LARGE1: variants seen among roughly 807,000 people sequenced by gnomAD.
LARGE1 encodes xylosyl- and glucuronyltransferase LARGE1.
In LARGE1, 43 loss-of-function variants were observed where a neutral mutation model predicts 87.6. That is an observed-to-expected ratio of 0.49 (90% confidence interval 0.38 to 0.63). The LOEUF is 0.63. Ranked by LOEUF, LARGE1 falls within the 30% of genes least tolerant of loss-of-function variation. The pLI, the probability that LARGE1 is intolerant of heterozygous loss-of-function variation, is 0.00. For missense variants in LARGE1, 802 were observed against 1,000.2 expected (o/e 0.80, Z 2.67); for synonymous variants, 434 against 394.6 (o/e 1.10, Z -1.18).
At chr22:33,472,347 A>C (rs1400653756) in intron 6 of LARGE1, among the ~76,000 whole-genome samples, 1 of 152,186 alleles carries the variant, frequency 6.6e-6, no homozygotes, top group South Asian at 2.1e-4. Flanking sequence ...GCAGAGGGAG[A>C]GGAGATAAAG....
intron 4 of LARGE1, among the ~76,000 whole-genome samples, chr22:33,621,075 C>T (rs759413171): frequency 9.2e-5 from 14 of 152,116 alleles, no homozygotes; most frequent in African/African-American, 3.4e-4. Context: ...GAAATATATA[C>T]GATGCATCCC....
At chr22:33,772,116 G>C (rs2085087185) in intron 1 of LARGE1, among the ~76,000 whole-genome samples, 1 of 152,126 alleles carries the variant, frequency 6.6e-6, no homozygotes. Flanking sequence ...GGTGGATCAC[G>C]AGGTCGGGAG....
chr22:33,607,322 G>A (rs1403340614), intron 4 of LARGE1, among the ~76,000 whole-genome samples: 3 of 152,034 alleles, frequency 2.0e-5, no homozygotes, highest in Non-Finnish European at 2.9e-5. Context: ...TTAGCCAGGC[G>A]TGGTGGCAGA....
intron 10 of LARGE1, 84 bp from the exon 11 acceptor site, chr22:33,316,332 C>T (rs1601417151): frequency 7.2e-7 from 1 of 1,392,412 alleles, no homozygotes; most frequent in Non-Finnish European, 9.9e-7. Context: ...CCTGCCCTCC[C>T]CTGAGTTTAT....
At chr22:33,203,085 C>CTGTGTG (rs1226941470) in intron 11 of LARGE1, among the ~76,000 whole-genome samples, 11 of 149,230 alleles carry the variant, frequency 7.4e-5, no homozygotes, top group South Asian at 7.0e-4. Context: ...CTCTCTCTCT[C>CTGTGTG]TCTCTCTCTC....
chr22:33,768,276 C>T (rs909347839), intron 1 of LARGE1, among the ~76,000 whole-genome samples: 3 of 152,038 alleles, frequency 2.0e-5, no homozygotes, highest in African/African-American at 2.4e-5. Flanking sequence ...GCCGCCTGGG[C>T]GACAGAGCGA....
At chr22:33,622,793 G>A (rs2079797396) in intron 4 of LARGE1, among the ~76,000 whole-genome samples, 2 of 152,214 alleles carry the variant, frequency 1.3e-5, no homozygotes, top group Admixed American at 6.5e-5. Flanking sequence ...CATAACAAAT[G>A]GGATGCAGAA....
the LARGE1 span, among the ~76,000 whole-genome samples, chr22:33,110,899 C>T: frequency 1.3e-5 from 2 of 152,022 alleles, no homozygotes; most frequent in Admixed American, 1.3e-4. Flanking sequence ...AAATATGTAT[C>T]GCTTAGATAA....
intron 5 of LARGE1, among the ~76,000 whole-genome samples, chr22:33,593,941 T>C (rs1352800785): frequency 2.0e-5 from 3 of 152,202 alleles, no homozygotes; most frequent in African/African-American, 7.2e-5. Context: ...GGTTCCACAA[T>C]GCATTCGCTG....
chr22:33,221,669 C>T (rs2145625246), intron 11 of LARGE1: 1 of 152,294 alleles, frequency 6.6e-6, no homozygotes, highest in Admixed American at 6.5e-5. Context: ...GTCCAAAGCT[C>T]TTTTCTTGTG....
chr22:33,884,992 C>T (rs549064405), intron 1 of LARGE1, among the ~76,000 whole-genome samples: 4 of 152,304 alleles, frequency 2.6e-5, no homozygotes, highest in South Asian at 2.1e-4. Context: ...GGGAAGAATA[C>T]GAATAATTAC....
chr22:33,532,263 A>T (rs2072242741), intron 6 of LARGE1, among the ~76,000 whole-genome samples: 2 of 152,134 alleles, frequency 1.3e-5, no homozygotes, highest in South Asian at 4.1e-4. Context: ...CCCACCTAAA[A>T]CACCTGTTCT....
chr22:33,153,674 ACT>A, the LARGE1 span, among the ~76,000 whole-genome samples: 1 of 151,916 alleles, frequency 6.6e-6, no homozygotes, highest in Non-Finnish European at 1.5e-5. Context: ...TTTACTTAAC[ACT>A]CTGTGATTCC....
chr22:33,615,523 C>T (rs1056317764), intron 4 of LARGE1, among the ~76,000 whole-genome samples: 3 of 152,098 alleles, frequency 2.0e-5, no homozygotes, highest in African/African-American at 7.2e-5. Flanking sequence ...TTTCTGCTGT[C>T]TGCCATGTGA....
the LARGE1 span, among the ~76,000 whole-genome samples, chr22:33,121,975 C>CCCA: frequency 4.6e-5 from 7 of 152,144 alleles, no homozygotes; most frequent in Non-Finnish European, 1.5e-5. Flanking sequence ...TCAATTACTT[C>CCCA]CCACCAGGTC....
intron 7 of LARGE1, among the ~76,000 whole-genome samples, chr22:33,396,684 CTTGG>C (rs2065758425): frequency 6.6e-6 from 1 of 152,010 alleles, no homozygotes; most frequent in African/African-American, 2.4e-5. Context: ...CCCGAGAGAG[CTTGG>C]AGGTGTTATG....
intron 3 of LARGE1, among the ~76,000 whole-genome samples, chr22:33,632,106 T>C (rs2080128592): frequency 6.6e-6 from 1 of 152,186 alleles, no homozygotes; most frequent in Admixed American, 6.5e-5. Context: ...AACAGTCCTG[T>C]GTCTGGAGAG....
chr22:33,610,165 T>C (rs1022542870), intron 4 of LARGE1, among the ~76,000 whole-genome samples: 2 of 152,134 alleles, frequency 1.3e-5, no homozygotes, highest in African/African-American at 4.8e-5. Context: ...AGGAGTGAGA[T>C]ACTACTATAA....
intron 6 of LARGE1, among the ~76,000 whole-genome samples, chr22:33,452,630 C>T (rs867036849): frequency 1.3e-5 from 2 of 152,164 alleles, no homozygotes; most frequent in Non-Finnish European, 2.9e-5. Context: ...GAGAATGAAT[C>T]GGTGAGGAAG....
Sources: allele counts gnomAD v4.1 joint callset (sites outside exome capture counted in the v4.1 genomes callset), GRCh38; gene constraint gnomAD v4.1.1; transcripts MANE v1.5; gene names NCBI Gene and HGNC (gene_info 2026-07-23, HGNC 2026-07-21).